SOX5: variants seen among roughly 807,000 people sequenced by gnomAD.
SOX5 encodes SRY-box transcription factor 5.
Under a neutral mutation model 92.0 loss-of-function variants are expected in SOX5, and 9 were observed. That is an observed-to-expected ratio of 0.10 (90% confidence interval 0.06 to 0.17). SOX5 has a LOEUF of 0.17. Among genes scored for constraint, SOX5 ranks in the 10% least tolerant of loss-of-function variants. The probability of loss-of-function intolerance (pLI) is 1.00; values close to 1 mark genes in which losing one functional copy is unlikely to be tolerated. For missense variants in SOX5, 642 were observed against 944.5 expected (o/e 0.68, Z 4.20); for synonymous variants, 344 against 336.3 (o/e 1.02, Z -0.25).
intron 4 of SOX5, among the ~76,000 whole-genome samples, chr12:24,182,259 A>AC (rs1955573944): frequency 6.6e-6 from 1 of 152,224 alleles, no homozygotes; most frequent in Non-Finnish European, 1.5e-5. Flanking sequence ...TTTAAAGGGG[A>AC]TAAAATTTAA....
In SOX5 at chr12:24,409,336, G is replaced by A. The variant is rs557746203; in HGVS notation, c.-250-40697C>T. On this transcript the variant is annotated intron_variant, in intron 1 of 4. Coordinates refer to the SOX5 transcript ENST00000446891. ...AATATACACCACCAGAGCCTGCTGT[G>A]GGGTGGGGAGTGAGGGGAGGGAATT... Among the ~76,000 whole-genome samples the A allele has an allele frequency of 1.0e-3, 159 of 152,262 alleles. 2 individuals carry two copies. Among genetic ancestry groups the A allele is most frequent in the Non-Finnish European group, 2.0e-3 (136 of 68,014 alleles).
intron 11 of SOX5, among the ~76,000 whole-genome samples, chr12:23,555,375 T>C (rs1944978296): frequency 6.6e-6 from 1 of 151,856 alleles, no homozygotes; most frequent in African/African-American, 2.4e-5. Context: ...TATTGGACCA[T>C]CCTACACTAA....
chr12:24,534,207 T>C (rs1439998164), intron 1 of SOX5, among the ~76,000 whole-genome samples: 1 of 151,980 alleles, frequency 6.6e-6, no homozygotes, highest in Admixed American at 6.6e-5. Context: ...TCCACTGCAA[T>C]TCAAATGGGA....
chr12:24,432,896 A>T (rs1279488825), intron 1 of SOX5, among the ~76,000 whole-genome samples: 2 of 152,224 alleles, frequency 1.3e-5, no homozygotes, highest in Non-Finnish European at 2.9e-5. Context: ...TTATTTTTTT[A>T]AAAACAAAAC....
chr12:24,396,038 A>G (rs922905736), intron 1 of SOX5, among the ~76,000 whole-genome samples: 2 of 152,198 alleles, frequency 1.3e-5, no homozygotes, highest in African/African-American at 4.8e-5. Context: ...GCAGCTAGGG[A>G]TCCATCCTCT....
chr12:24,266,034 ATGTGTGTGTGTGTGTGTGTG>A (rs59696898), intron 3 of SOX5, among the ~76,000 whole-genome samples: 52 of 127,718 alleles, frequency 4.1e-4, no homozygotes, highest in African/African-American at 1.1e-3. Context: ...ATGCCAGCTA[ATGTGTGTGTGTGTGTGTGTG>A]TGTGTGTGTG....
chr12:23,982,188 T>C (rs1161151407), intron 4 of SOX5, among the ~76,000 whole-genome samples: 2 of 152,308 alleles, frequency 1.3e-5, no homozygotes, highest in Non-Finnish European at 1.5e-5. Flanking sequence ...TGTATAACCA[T>C]AAACTATCTG....
chr12:24,024,034 AT>A (rs998655293), intron 4 of SOX5, among the ~76,000 whole-genome samples: 3 of 151,934 alleles, frequency 2.0e-5, no homozygotes, highest in African/African-American at 7.2e-5. Flanking sequence ...TTATGCTGTT[AT>A]TTTTTTCTGA....
At chr12:24,454,652 A>G (rs186008681) in intron 1 of SOX5, among the ~76,000 whole-genome samples, 4 of 152,332 alleles carry the variant, frequency 2.6e-5, no homozygotes, top group Admixed American at 2.6e-4. Context: ...TGGTTTTTAA[A>G]AATTTCTTCT....
chr12:24,388,457 G>A (rs61912580), intron 1 of SOX5, among the ~76,000 whole-genome samples: 16,972 of 152,004 alleles, frequency 0.11, 1,199 homozygotes, highest in Non-Finnish European at 0.17. Flanking sequence ...GTCAGAGCAC[G>A]GTGATGTCTC....
intron 3 of SOX5, among the ~76,000 whole-genome samples, chr12:23,779,957 G>GTC (rs1037873454): frequency 3.2e-5 from 4 of 126,622 alleles, no homozygotes; most frequent in Non-Finnish European, 6.5e-5. Context: ...CAGCGAGACT[G>GTC]TGTGTGTGTG....
intron 4 of SOX5, among the ~76,000 whole-genome samples, chr12:24,042,523 A>G (rs1214118227): frequency 6.6e-6 from 1 of 152,152 alleles, no homozygotes; most frequent in Non-Finnish European, 1.5e-5. Context: ...GGAATATTTG[A>G]AAGTTTCTCT....
At chr12:24,279,094 T>C (rs1194097727) in intron 2 of SOX5, among the ~76,000 whole-genome samples, 1 of 152,154 alleles carries the variant, frequency 6.6e-6, no homozygotes, top group African/African-American at 2.4e-5. Flanking sequence ...AATTAAAATA[T>C]GAAGTTCTAA....
intron 4 of SOX5, among the ~76,000 whole-genome samples, chr12:24,037,334 T>C (rs1956139591): frequency 6.6e-6 from 1 of 152,178 alleles, no homozygotes; most frequent in African/African-American, 2.4e-5. Context: ...CCTTGGAGCC[T>C]ATTTCTTGGT....
chr12:23,639,069 C>T (rs912527823), intron 8 of SOX5, among the ~76,000 whole-genome samples: 4 of 151,980 alleles, frequency 2.6e-5, no homozygotes, highest in African/African-American at 9.7e-5. Context: ...AACTTTATCC[C>T]ATTTACATCT....
intron 3 of SOX5, among the ~76,000 whole-genome samples, chr12:23,819,666 A>G (rs1200303121): frequency 2.0e-5 from 3 of 152,166 alleles, no homozygotes; most frequent in African/African-American, 7.2e-5. Flanking sequence ...CTTATGAGTG[A>G]GAACATGCAC....
chr12:23,670,211 C>A (rs970030092), intron 6 of SOX5, among the ~76,000 whole-genome samples: 1 of 152,106 alleles, frequency 6.6e-6, no homozygotes, highest in Non-Finnish European at 1.5e-5. Context: ...AAAATAACAT[C>A]TCTGGGAATG....
chr12:23,911,275 A>T (rs2097349036), intron 1 of SOX5, among the ~76,000 whole-genome samples: 1 of 152,086 alleles, frequency 6.6e-6, no homozygotes, highest in Non-Finnish European at 1.5e-5. Context: ...AACCCCAAAA[A>T]AATGTTATTT....
rs528764412 is a variant in SOX5, at chr12:24,431,051, T to C, written c.-250-62412A>G. Among the ~76,000 whole-genome samples the C allele has an allele frequency of 3.6e-4, 55 of 152,282 alleles. No individual in the cohort carries two copies. The South Asian group carries it at 0.011, about 32-fold the overall frequency. ...GCCCCCCTTCCCATAGATGAGCAAATATAAAGCAGAAGGTTGTCATATTTT... is the reference window on the plus strand; with the variant it reads ...GCCCCCCTTCCCATAGATGAGCAAACATAAAGCAGAAGGTTGTCATATTTT... On this transcript the variant is annotated intron_variant, in intron 1 of 4. Transcript: ENST00000446891.
Sources: allele counts gnomAD v4.1 joint callset (sites outside exome capture counted in the v4.1 genomes callset), GRCh38; gene constraint gnomAD v4.1.1; transcripts MANE v1.5; gene names NCBI Gene and HGNC (gene_info 2026-07-23, HGNC 2026-07-21).